The following CA5A variants were observed in gnomAD, a reference collection of about 807,000 sequenced individuals.
The protein encoded by CA5A is carbonic anhydrase 5A, also known as carbonic anhydrase 5A, mitochondrial.
In CA5A, 28 loss-of-function variants were observed where a neutral mutation model predicts 37.1. That is an observed-to-expected ratio of 0.75 (90% confidence interval 0.56 to 1.03). The LOEUF (loss-of-function observed/expected upper bound fraction) is 1.03, where lower values mean the gene tolerates loss of function less well. Ranked by LOEUF, CA5A falls within the 50% of genes least tolerant of loss-of-function variation. The pLI, the probability that CA5A is intolerant of heterozygous loss-of-function variation, is 0.00. For synonymous variants in CA5A, 171 were observed against 158.4 expected (o/e 1.08, Z -0.60); for missense variants, 444 against 399.9 (o/e 1.11, Z -0.94).
intron 1 of CA5A, among the ~76,000 whole-genome samples, chr16:87,931,313 T>C (rs2056401092): frequency 6.6e-6 from 1 of 151,562 alleles, no homozygotes; most frequent in African/African-American, 2.4e-5. Context: ...GGTTTCACCA[T>C]GTTGGCCAGG....
chr16:87,891,270 C>T (rs2055709307), intron 6 of CA5A, among the ~76,000 whole-genome samples: 1 of 151,538 alleles, frequency 6.6e-6, no homozygotes, highest in African/African-American at 2.4e-5. Flanking sequence ...GAGTTCAAGA[C>T]CAGCCTGGCC....
At position 87,904,819 on chromosome 16, in the gene CA5A, C is replaced by T. The variant is rs1369879476; in HGVS notation, c.426G>A (p.Glu142=). 1.2e-6 allele frequency: 2 copies of T among 1,612,650 alleles called. No individual in the cohort carries two copies. The highest frequency in any genetic ancestry group is 1.7e-4 in the Middle Eastern group (1 of 6,052). ...GGTACGCGTGGCCGTCCACTGTGTG[C>T]TCTGAGCCCCCCTCGTTCACTGCTC... ...HWGAVNEGGS[E]HTVDGHAYPA... is the part of the protein sequence containing the mutation. The change falls in exon 3 of 7, where the codon GAG becomes GAA. Residue 142 remains glutamate (E), a synonymous_variant. Coordinates refer to ENST00000649794, the MANE Select transcript of CA5A (RefSeq NM_001739.2).
At chr16:87,894,293 G>T (rs989949305) in intron 5 of CA5A, among the ~76,000 whole-genome samples, 2 of 152,012 alleles carry the variant, frequency 1.3e-5, no homozygotes, top group Non-Finnish European at 2.9e-5. Context: ...CAGCACTGTG[G>T]GACAAGAGTC....
At chr16:87,914,997 A>G (rs550698730) in intron 2 of CA5A, among the ~76,000 whole-genome samples, 155 of 152,310 alleles carry the variant, frequency 1.0e-3, no homozygotes, top group Middle Eastern at 6.8e-3. Flanking sequence ...GAGGGGTGTG[A>G]GCGATGGGGC....
At chr16:87,883,854 C>G (rs1158537573), downstream of CA5A, 1 of 148,734 alleles carries the variant, frequency 6.7e-6, no homozygotes, top group Non-Finnish European at 1.5e-5. Flanking sequence ...TTTGCCCAGG[C>G]TGGTCTCGAA....
At chr16:87,892,890 G>C (rs979121943) in intron 5 of CA5A, 2 of 452,350 alleles carry the variant, frequency 4.4e-6, no homozygotes, top group Non-Finnish European at 7.9e-6. Context: ...TCCTGACCTC[G>C]GATGATCCAC....
chr16:87,919,544 TCTGGGGGAGCACTCACAGGAAAGCAGAGC>T (rs1409774175), intron 2 of CA5A, among the ~76,000 whole-genome samples: 53 of 151,808 alleles, frequency 3.5e-4, no homozygotes, highest in Admixed American at 1.3e-3. Flanking sequence ...GAAAGCAGAG[TCTGGGGGAGCACTCACAGGAAAGCAGAGC>T]CTGGGGGAGC....
chr16:87,900,147 T>C (rs1308632800), intron 5 of CA5A, among the ~76,000 whole-genome samples: 1 of 151,788 alleles, frequency 6.6e-6, no homozygotes, highest in East Asian at 1.9e-4. Context: ...AGCCCTTGGG[T>C]AAAGGGTCCT....
intron 6 of CA5A, among the ~76,000 whole-genome samples, chr16:87,891,455 GA>G (rs1401535019): frequency 2.0e-5 from 3 of 149,198 alleles, no homozygotes; most frequent in African/African-American, 7.4e-5. Context: ...GCGATAGAAC[GA>G]GACTCTGTCT....
chr16:87,902,656 C>G (rs1597555146), intron 3 of CA5A, 136 bp from the exon 4 acceptor site: 1 of 611,074 alleles, frequency 1.6e-6, no homozygotes, highest in African/African-American at 1.8e-5. Context: ...CCTGTAATCC[C>G]AGCACTTTGG....
chr16:87,915,085 G>A (rs991319786), intron 2 of CA5A, among the ~76,000 whole-genome samples: 2 of 152,246 alleles, frequency 1.3e-5, no homozygotes, highest in African/African-American at 4.8e-5. Flanking sequence ...AACTGCCCCA[G>A]GAGCCACCGA....
intron 5 of CA5A, among the ~76,000 whole-genome samples, chr16:87,896,209 T>G (rs1038522341): frequency 6.6e-6 from 1 of 152,248 alleles, no homozygotes; most frequent in Admixed American, 6.5e-5. Context: ...CCTGGCCCGT[T>G]CCGAGGTGCG....
At chr16:87,923,424 G>T (rs2056257927) in intron 2 of CA5A, 1 of 385,150 alleles carries the variant, frequency 2.6e-6, no homozygotes, top group African/African-American at 2.2e-5. Flanking sequence ...CTGACCTCAG[G>T]TGATCCACCC....
Position 87,901,915 on chromosome 16 carries a change from A to T in CA5A, c.615T>A (p.His205Gln), listed in dbSNP as rs139816901. 372 of 1,612,720 alleles carry T rather than the reference A, an allele frequency of 2.3e-4. No homozygotes were observed. Among genetic ancestry groups the T allele is most frequent in the Non-Finnish European group, 3.0e-4 (349 of 1,179,290 alleles). ...RLVDILPEIK[H>Q]KDARAAMRPF... is the part of the protein sequence containing the mutation. ...TGATTTCAAATATGCAGCTTACCTTATGTTTTATTTCCGGCAAGATGTCCA... is the reference window on the plus strand; with the variant it reads ...TGATTTCAAATATGCAGCTTACCTTTTGTTTTATTTCCGGCAAGATGTCCA... The change falls in exon 5 of 7, where the codon CAT (histidine) becomes CAA (glutamine). Residue 205 changes from histidine (H) to glutamine (Q), a missense_variant. Physicochemically the swap from His to Gln is conservative, Grantham distance 24 (BLOSUM62 0). Coordinates refer to ENST00000649794, the MANE Select transcript of CA5A (RefSeq NM_001739.2).
chr16:87,926,689 G>T, intron 2 of CA5A, 59 bp downstream of exon 2: 22 of 1,375,112 alleles, frequency 1.6e-5, no homozygotes, highest in Non-Finnish European at 2.0e-5. Context: ...CGAAGCTCTT[G>T]ACCCTGCTGC....
chr16:87,912,731 C>T (rs1223073300), intron 2 of CA5A, among the ~76,000 whole-genome samples: 1 of 152,172 alleles, frequency 6.6e-6, no homozygotes, highest in Non-Finnish European at 1.5e-5. Flanking sequence ...CCCAGGAGGG[C>T]CCCCGTGGAA....
chr16:87,899,190 G>C (rs1332673191), intron 5 of CA5A, among the ~76,000 whole-genome samples: 1 of 152,050 alleles, frequency 6.6e-6, no homozygotes, highest in Non-Finnish European at 1.5e-5. Context: ...AGAAGTCCTA[G>C]GCTAGGAGCC....
chr16:87,908,543 C>T (rs1236491492), intron 2 of CA5A, among the ~76,000 whole-genome samples: 1 of 152,144 alleles, frequency 6.6e-6, no homozygotes, highest in Non-Finnish European at 1.5e-5. Context: ...GGCATAAGTC[C>T]ACTGACAGCC....
At chr16:87,918,575 G>A (rs1453935899) in intron 2 of CA5A, among the ~76,000 whole-genome samples, 1 of 152,232 alleles carries the variant, frequency 6.6e-6, no homozygotes, top group Non-Finnish European at 1.5e-5. Flanking sequence ...TCCTTGGCCT[G>A]TCCGTTTGTT....
Sources: allele counts gnomAD v4.1 joint callset (sites outside exome capture counted in the v4.1 genomes callset), GRCh38; gene constraint gnomAD v4.1.1; transcripts MANE v1.5; gene names NCBI Gene and HGNC (gene_info 2026-07-23, HGNC 2026-07-21).